The following DENND4A variants were observed in gnomAD, a reference collection of about 807,000 sequenced individuals.
DENND4A encodes the protein C-myc promoter-binding protein.
In DENND4A, 70 loss-of-function variants were observed where a neutral mutation model predicts 199.3. The ratio of observed to expected loss-of-function variants is 0.35; its 90% CI spans 0.29 to 0.43. The LOEUF (loss-of-function observed/expected upper bound fraction) is 0.43. DENND4A is among the 20% of genes least tolerant of loss of function. DENND4A has a pLI of 1.00. For missense variants in DENND4A, 1,723 were observed against 2,255.8 expected (o/e 0.76, Z 4.78); for synonymous variants, 686 against 766.9 (o/e 0.89, Z 1.74).
intron 11 of DENND4A, among the ~76,000 whole-genome samples, chr15:65,723,422 T>TA (rs1198179615): frequency 6.6e-6 from 1 of 152,200 alleles, no homozygotes; most frequent in Non-Finnish European, 1.5e-5. Context: ...CTTAGTTTCT[T>TA]AGTTTCCTAA....
intron 4 of DENND4A, among the ~76,000 whole-genome samples, chr15:65,745,863 G>A (rs2076373418): frequency 6.6e-6 from 1 of 152,062 alleles, no homozygotes; most frequent in Admixed American, 6.5e-5. Flanking sequence ...GCCAGGCATG[G>A]TGGCTCATGC....
intron 14 of DENND4A, among the ~76,000 whole-genome samples, chr15:65,711,622 TC>T (rs2142320388): frequency 6.6e-6 from 1 of 152,196 alleles, no homozygotes; most frequent in Non-Finnish European, 1.5e-5. Flanking sequence ...AAATAAATCT[TC>T]CCCCAAAACA....
At chr15:65,713,799 T>C (rs954421111) in intron 14 of DENND4A, among the ~76,000 whole-genome samples, 1 of 152,214 alleles carries the variant, frequency 6.6e-6, no homozygotes, top group African/African-American at 2.4e-5. Flanking sequence ...ATAATGTCCT[T>C]GCCCTAAACC....
At chr15:65,711,555 C>A (rs1306615132) in intron 14 of DENND4A, among the ~76,000 whole-genome samples, 1 of 152,152 alleles carries the variant, frequency 6.6e-6, no homozygotes, top group Non-Finnish European at 1.5e-5. Flanking sequence ...CAGAACTCAA[C>A]ATACAAAATG....
chr15:65,768,788 G>A (rs2140857079), intron 1 of DENND4A, among the ~76,000 whole-genome samples: 1 of 152,024 alleles, frequency 6.6e-6, no homozygotes, highest in South Asian at 2.1e-4. Flanking sequence ...TTCAGGACCA[G>A]CCTGGCCAAC....
At chr15:65,706,700 T>C (rs925151219) in intron 14 of DENND4A, among the ~76,000 whole-genome samples, 5 of 152,130 alleles carry the variant, frequency 3.3e-5, no homozygotes, top group African/African-American at 1.2e-4. Flanking sequence ...TTCACCATGT[T>C]GGCCAGGACG....
chr15:65,694,424 G>T (rs1311796757), intron 22 of DENND4A, among the ~76,000 whole-genome samples: 1 of 151,226 alleles, frequency 6.6e-6, no homozygotes, highest in Non-Finnish European at 1.5e-5. Flanking sequence ...ACTCCAGCCT[G>T]GGCACCAGAG....
At chr15:65,670,243 T>A in intron 25 of DENND4A, 55 bp from the exon 26 acceptor site, 1 of 1,338,844 alleles carries the variant, frequency 7.5e-7, no homozygotes, top group South Asian at 2.0e-5. Flanking sequence ...GATTATGAAT[T>A]AAAAACCATT....
At chr15:65,674,657 A>C (rs1259000269) in intron 24 of DENND4A, among the ~76,000 whole-genome samples, 2 of 151,576 alleles carry the variant, frequency 1.3e-5, no homozygotes, top group Admixed American at 6.6e-5. Flanking sequence ...AGGCTTGAGC[A>C]TGGGAGATCA....
At chr15:65,755,199 T>C (rs898466955) in intron 3 of DENND4A, among the ~76,000 whole-genome samples, 3 of 152,114 alleles carry the variant, frequency 2.0e-5, no homozygotes, top group African/African-American at 7.2e-5. Flanking sequence ...AATAGGCAAA[T>C]CCATAAAGAC....
At chr15:65,685,767 C>A (rs1389968026) in intron 23 of DENND4A, among the ~76,000 whole-genome samples, 3 of 152,236 alleles carry the variant, frequency 2.0e-5, no homozygotes, top group Non-Finnish European at 2.9e-5. Flanking sequence ...TATCTCAGCA[C>A]CATTTTTTGA....
intron 22 of DENND4A, 69 bp downstream of exon 22, chr15:65,696,297 A>C: frequency 2.0e-6 from 3 of 1,522,884 alleles, no homozygotes; most frequent in Non-Finnish European, 2.7e-6. Context: ...CTATTAAAAA[A>C]ATAAGTATTC....
At chr15:65,696,211 A>G in intron 22 of DENND4A, 155 bp downstream of exon 22, 1 of 858,814 alleles carries the variant, frequency 1.2e-6, no homozygotes, top group African/African-American at 1.7e-5. Flanking sequence ...GTTATAAAAT[A>G]TAGAACTCAA....
Position 65,700,608 on chromosome 15 carries a change from C to T in DENND4A, c.2769G>A (p.Val923=). ...AACCCGTATTAAAAGGTGCCTGCTC[C>T]ACAGTGTGTGTCCCATGACCACTAT... is the stretch of plus-strand genomic sequence containing the variant. ...SMDSGHGTHT[V]EQAPFNTGLI... Residue 923 remains valine (V), a synonymous_variant, in exon 20 of 33, where the codon GTG becomes GTA. Transcript: ENST00000443035. 1.3e-6 allele frequency: 2 copies of T among 1,547,108 alleles called. No homozygotes were observed. Among genetic ancestry groups the T allele is most frequent in the Non-Finnish European group, 8.7e-7 (1 of 1,144,978 alleles).
Position 65,665,353 on chromosome 15 carries a change from T to A in DENND4A, c.5351A>T (p.Asn1784Ile), listed in dbSNP as rs771991613. The A allele has an allele frequency of 3.7e-6, 6 of 1,612,778 alleles. No individual in the cohort carries two copies. The highest frequency in any genetic ancestry group is 5.1e-6 in the Non-Finnish European group (6 of 1,179,084). The part of the protein sequence containing the change: ...DPGQPLYILW[N>I]AHTQKYPMVH... ...TCTATGATGGCACTTACTGTGTGCA[T>A]TCCAGAGAATGTACAAGGGCTGTCC... The change falls in exon 30 of 33, where the codon AAT (asparagine) becomes ATT (isoleucine). Residue 1784 changes from asparagine to isoleucine, a missense_variant. By Grantham distance (149) the Asn-to-Ile change is moderately radical (BLOSUM62 -3). Coordinates refer to ENST00000443035, the MANE Select transcript of DENND4A (RefSeq NM_001320835.1).
Position 65,702,820 on chromosome 15 carries a change from C to G in DENND4A, c.2223+53G>C, listed in dbSNP as rs1041356705. 3.4e-6 allele frequency: 5 copies of G among 1,486,814 alleles called. No individual in the cohort carries two copies. The Admixed American group carries it at 5.4e-5, about 16-fold the overall frequency. 92.1% of individuals were successfully genotyped at this position (1,486,814 alleles called of 1,614,324 possible). A position where few individuals can be genotyped will look rare whatever the true frequency, so the allele number is the denominator to read the frequency against. Reference sequence around the variant, plus strand: ...AAGCATATTACGGGAGGATAAATATCCAATTTATTTCTTGTTCTAAAATTT... The same window carrying G: ...AAGCATATTACGGGAGGATAAATATGCAATTTATTTCTTGTTCTAAAATTT... On this transcript the variant is annotated intron_variant, in intron 16 of 32. Transcript: ENST00000443035.
chr15:65,703,432 T>C (rs2142210638), intron 15 of DENND4A, among the ~76,000 whole-genome samples: 1 of 152,354 alleles, frequency 6.6e-6, no homozygotes, highest in South Asian at 2.1e-4. Context: ...ATATTTACTG[T>C]TGAACCTCCC....
chr15:65,786,480 A>G (rs1004256107), intron 1 of DENND4A, among the ~76,000 whole-genome samples: 1 of 152,174 alleles, frequency 6.6e-6, no homozygotes, highest in South Asian at 2.1e-4. Context: ...CTATAATCCC[A>G]GCACTTTGGG....
intron 11 of DENND4A, chr15:65,726,051 A>G (rs970062759): frequency 6.6e-6 from 1 of 152,204 alleles, no homozygotes; most frequent in Admixed American, 6.5e-5. Flanking sequence ...TTGATTCTTT[A>G]ACTCATTAGT....
Sources: allele counts gnomAD v4.1 joint callset (sites outside exome capture counted in the v4.1 genomes callset), GRCh38; gene constraint gnomAD v4.1.1; transcripts MANE v1.5; gene names NCBI Gene and HGNC (gene_info 2026-07-23, HGNC 2026-07-21).